Variants in MROH9 observed in about 807,000 individuals in gnomAD.
The protein encoded by MROH9 is maestro heat-like repeat-containing protein family member 9.
In MROH9, 92 loss-of-function variants were observed where a neutral mutation model predicts 98.2. That is an observed-to-expected ratio of 0.94 (90% confidence interval 0.79 to 1.11). MROH9 has a LOEUF of 1.11. Ranked by LOEUF, MROH9 falls within the 50% of genes most tolerant of loss-of-function variation. The pLI is 0.00. For missense variants in MROH9, 1,057 were observed against 1,014.8 expected (o/e 1.04, Z -0.57); for synonymous variants, 397 against 368.9 (o/e 1.08, Z -0.87).
At chr1:171,018,271 G>A (rs1652395919) in intron 17 of MROH9, among the ~76,000 whole-genome samples, 1 of 151,840 alleles carries the variant, frequency 6.6e-6, no homozygotes, top group South Asian at 2.1e-4. Flanking sequence ...GGCCTAAAGT[G>A]AGCCCCCAGA....
At chr1:170,954,753 T>A (rs1649695971) in intron 3 of MROH9, among the ~76,000 whole-genome samples, 1 of 152,080 alleles carries the variant, frequency 6.6e-6, no homozygotes, top group African/African-American at 2.4e-5. Flanking sequence ...TTGCATTTCC[T>A]TGACAATTAA....
At chr1:170,939,254 T>C (rs1649019897) in intron 1 of MROH9, among the ~76,000 whole-genome samples, 1 of 152,234 alleles carries the variant, frequency 6.6e-6, no homozygotes, top group Non-Finnish European at 1.5e-5. Context: ...AGCCCATGAA[T>C]CAGTATATAA....
chr1:170,971,233 A>C (rs1365348112), intron 7 of MROH9, among the ~76,000 whole-genome samples: 1 of 152,226 alleles, frequency 6.6e-6, no homozygotes, highest in Admixed American at 6.5e-5. Context: ...CATCAAAAGC[A>C]AATGATCTGC....
chr1:170,981,087 G>T (rs1402102099), intron 8 of MROH9, among the ~76,000 whole-genome samples: 12 of 152,166 alleles, frequency 7.9e-5, no homozygotes, highest in African/African-American at 2.9e-4. Flanking sequence ...ATGCCAGTCA[G>T]AATGGTGATT....
chr1:170,935,982 CAAAAAAAAAAAA>C (rs59883013), intron 1 of MROH9, among the ~76,000 whole-genome samples: 8 of 62,256 alleles, frequency 1.3e-4, no homozygotes, highest in African/African-American at 2.1e-4. Flanking sequence ...CAGAGTGAGA[CAAAAAAAAAAAA>C]AAAAAAAAAA....
chr1:171,037,520 G>T (rs1251835952), intron 20 of MROH9, among the ~76,000 whole-genome samples: 1 of 151,924 alleles, frequency 6.6e-6, no homozygotes, highest in Non-Finnish European at 1.5e-5. Flanking sequence ...AATTTTAAAA[G>T]TGTCAATTTT....
chr1:170,947,414 G>A (rs997859125), intron 2 of MROH9, 113 bp from the exon 3 acceptor site: 19 of 806,368 alleles, frequency 2.4e-5, no homozygotes, highest in Non-Finnish European at 4.0e-5. Context: ...GCATGTCCTT[G>A]TTGGGCTTTG....
chr1:171,024,812 C>T, intron 19 of MROH9, 47 bp downstream of exon 19: 12 of 1,134,760 alleles, frequency 1.1e-5, no homozygotes, highest in Non-Finnish European at 1.4e-5. Context: ...GTAGACAAAA[C>T]TTACAGGATA....
intron 21 of MROH9, among the ~76,000 whole-genome samples, chr1:171,062,435 C>G (rs1654043478): frequency 6.6e-6 from 1 of 152,122 alleles, no homozygotes; most frequent in Admixed American, 6.5e-5. Flanking sequence ...CCATGTATTC[C>G]ACTAATTGTC....
chr1:170,965,866 T>G (rs1650215545), intron 7 of MROH9, among the ~76,000 whole-genome samples: 1 of 152,076 alleles, frequency 6.6e-6, no homozygotes. Flanking sequence ...ACAATTTGCT[T>G]TTTTTCACTG....
At chr1:170,985,160 T>C (rs190807756) in intron 9 of MROH9, among the ~76,000 whole-genome samples, 2 of 152,300 alleles carry the variant, frequency 1.3e-5, no homozygotes, top group Admixed American at 6.5e-5. Flanking sequence ...TATATGTTCA[T>C]ACCAAATAAA....
In MROH9 at chr1:170,989,861, A is replaced by G. The variant is rs760051072; in HGVS notation, c.886A>G (p.Lys296Glu). 6.2e-7 allele frequency: 1 copy of G among 1,600,534 alleles called. No individual in the cohort carries two copies. The highest frequency in any genetic ancestry group is 1.7e-5 in the Admixed American group (1 of 59,704). Residue 296 changes from lysine (K) to glutamate (E), a missense_variant, in exon 11 of 22, where the codon AAG becomes GAG. By Grantham distance (56) the Lys-to-Glu change is moderately conservative. Coordinates refer to ENST00000367759, the MANE Select transcript of MROH9 (RefSeq NM_001163629.2). The part of the protein sequence containing the change: ...FHAEKVTMVS[K>E]IVDAIYRQLC... ...TGTGGAATTTCTCTTCCAGGTGTCT[A>G]AGATCGTGGATGCTATTTACAGGCA... is the stretch of plus-strand genomic sequence containing the variant.
chr1:170,958,283 T>C (rs1021235014), intron 3 of MROH9, among the ~76,000 whole-genome samples, 178 bp from the exon 4 acceptor site: 2 of 152,250 alleles, frequency 1.3e-5, no homozygotes, highest in Non-Finnish European at 2.9e-5. Context: ...AAACATACTA[T>C]TGTAGATTTA....
At chr1:171,023,406 C>G (rs1652579618) in intron 17 of MROH9, among the ~76,000 whole-genome samples, 1 of 152,028 alleles carries the variant, frequency 6.6e-6, no homozygotes, top group Non-Finnish European at 1.5e-5. Context: ...AGTCTTCCAG[C>G]CTTTGAACAC....
chr1:170,937,455 G>A (rs1454986823), intron 1 of MROH9, among the ~76,000 whole-genome samples: 2 of 151,204 alleles, frequency 1.3e-5, no homozygotes, highest in Non-Finnish European at 2.9e-5. Context: ...AAAATTAAAA[G>A]GAAATACTCA....
chr1:171,021,907 A>AT (rs1192265464), intron 17 of MROH9, among the ~76,000 whole-genome samples: 2 of 149,840 alleles, frequency 1.3e-5, no homozygotes, highest in African/African-American at 4.9e-5. Context: ...TACAAGAAAA[A>AT]AAAAAAATGA....
At chr1:170,973,680 A>G (rs547834516) in intron 8 of MROH9, among the ~76,000 whole-genome samples, 2 of 152,308 alleles carry the variant, frequency 1.3e-5, no homozygotes, top group African/African-American at 4.8e-5. Context: ...GTTCGTGATT[A>G]GCCTGGCTAA....
rs926198323 is a variant in MROH9, at chr1:171,026,562, C to A, written c.2281+1142C>A. ...TGCTAAAATTACAGGCATGAGCCAC[C>A]ATGCTCAGCCAATAGTAACTTTATT... On this transcript the variant is annotated intron_variant, in intron 20 of 21. Transcript: ENST00000367759. Among the ~76,000 whole-genome samples, 5 of 152,144 alleles carry A rather than the reference C, an allele frequency of 3.3e-5. No individual in the cohort carries two copies. In the South Asian group the frequency reaches 6.2e-4, roughly 19 times the overall value.
chr1:171,016,307 G>A lies in MROH9; in HGVS notation c.1879G>A (p.Gly627Ser), dbSNP rs1373488405. 6.5e-7 allele frequency: 1 copy of A among 1,533,194 alleles called. No homozygotes were observed. The highest frequency in any genetic ancestry group is 8.8e-7 in the Non-Finnish European group (1 of 1,138,504). The allele number at this position is 1,533,194 out of a possible 1,614,324, so 95.0% of individuals were successfully genotyped here. A position where few individuals can be genotyped will look rare whatever the true frequency, so the allele number is the denominator to read the frequency against. Reference protein sequence around the residue: ...KVTYSLGTRIGSSYCTLMDHI... With the variant: ...KVTYSLGTRISSSYCTLMDHI... ...GACCTACTCTTTGGGTACCAGAATT[G>A]GTTCCAGCTACTGTACTCTGATGGA... Residue 627 changes from glycine (G) to serine (S), a missense_variant, in exon 17 of 22, where the codon GGT (glycine) becomes AGT (serine). Transcript: ENST00000367759.
Sources: gnomAD v4.1 joint callset for allele counts (sites outside exome capture counted in the v4.1 genomes callset) on GRCh38, gnomAD v4.1.1 for gene constraint, MANE v1.5 for transcripts, NCBI Gene and HGNC (gene_info 2026-07-23, HGNC 2026-07-21) for gene names.